OTOP2: variants seen among roughly 807,000 people sequenced by gnomAD.
OTOP2 encodes the protein proton channel OTOP2.
Under a neutral mutation model 47.4 loss-of-function variants are expected in OTOP2, and 41 were observed. That is an observed-to-expected ratio of 0.87 (90% confidence interval 0.67 to 1.12). The LOEUF (loss-of-function observed/expected upper bound fraction) is 1.12. Ranked by LOEUF, OTOP2 falls within the 50% of genes most tolerant of loss-of-function variation. OTOP2 has a pLI of 0.00. For missense variants in OTOP2, 721 were observed against 752.2 expected (o/e 0.96, Z 0.49); for synonymous variants, 328 against 319.6 (o/e 1.03, Z -0.28).
chr17:74,931,037 A>C lies in OTOP2; in HGVS notation c.1402A>C (p.Ser468Arg). The change falls in exon 6 of 7, where the codon AGC (serine) becomes CGC (arginine). Residue 468 changes from serine (S) to arginine (R), a missense_variant. Ser to Arg is a moderately radical substitution (Grantham distance 110). Transcript: ENST00000331427. ...CTGCCCACCCAACCCCGGGCTGGTTAGCCCCAGCCCTTCAGACCAGCGGGA... is the reference window on the plus strand; with the variant it reads ...CTGCCCACCCAACCCCGGGCTGGTTCGCCCCAGCCCTTCAGACCAGCGGGA... Reference protein sequence around the residue: ...SACPPNPGLVSPSPSDQREAV... With the variant: ...SACPPNPGLVRPSPSDQREAV... 6.2e-7 allele frequency: 1 copy of C among 1,614,128 alleles called. No individual in the cohort carries two copies. The highest frequency in any genetic ancestry group is 8.5e-7 in the Non-Finnish European group (1 of 1,180,008).
At chr17:74,929,331 C>G (rs1347293000) in intron 5 of OTOP2, among the ~76,000 whole-genome samples, 2 of 152,110 alleles carry the variant, frequency 1.3e-5, no homozygotes, top group Non-Finnish European at 2.9e-5. Flanking sequence ...GAGCCACTTT[C>G]TATCTCAGGG....
Position 74,931,205 on chromosome 17 carries a change from G to A in OTOP2, c.1518+52G>A, listed in dbSNP as rs144357522. 1.6e-4 allele frequency: 246 copies of A among 1,535,934 alleles called. 1 individual carries two copies. In the African/African-American group the frequency reaches 2.8e-3, roughly 17 times the overall value. On this transcript the variant is annotated intron_variant, in intron 6 of 6. Coordinates refer to ENST00000331427, the MANE Select transcript of OTOP2 (RefSeq NM_178160.3). ...GGCTTGGGAGAAGAGACTGAGGAAG[G>A]ATGCTCTTGCAGGCTTAAGCCCTTA...
intron 4 of OTOP2, 95 bp from the exon 5 acceptor site, chr17:74,927,570 C>G (rs1036298198): frequency 2.0e-5 from 30 of 1,500,196 alleles, no homozygotes; most frequent in Non-Finnish European, 2.6e-5. Flanking sequence ...CAGGGCCTGG[C>G]TGCTTTATCA....
Position 74,933,358 on chromosome 17 carries a change from C to A in OTOP2, c.1519-17C>A, listed in dbSNP as rs772147025. 219 of 1,585,664 alleles carry A rather than the reference C, an allele frequency of 1.4e-4. No individual in the cohort carries two copies. The highest frequency in any genetic ancestry group is 1.8e-4 in the Non-Finnish European group (208 of 1,158,684). The stretch of plus-strand genomic sequence containing the variant: ...TCCATCCAGGCCAGCTCCTGAAATG[C>A]TCCTCTCTCCACACAGCTGTGGATC... On this transcript the variant is annotated splice_polypyrimidine_tract_variant and intron_variant, in intron 6 of 6. Coordinates refer to ENST00000331427, the MANE Select transcript of OTOP2 (RefSeq NM_178160.3). This position sits in a 1 kb window ranked among gnomAD's most constrained non-coding sequence, Gnocchi z 4.7.
At position 74,924,360 on chromosome 17, in the gene OTOP2, C is replaced by A; in HGVS notation, c.-34+27C>A. 1 of 412,020 alleles carries A rather than the reference C, an allele frequency of 2.4e-6. No homozygotes were observed. The allele number at this position is 412,020 out of a possible 1,614,324, so 25.5% of individuals were successfully genotyped here. Reference sequence around the variant, plus strand: ...TGGGTGCCCCGGGCCGGAGGGCAGTCGGACTTGGGGAGTGGGGACCTTGGA... The same window carrying A: ...TGGGTGCCCCGGGCCGGAGGGCAGTAGGACTTGGGGAGTGGGGACCTTGGA... On this transcript the variant is annotated intron_variant, in intron 1 of 6. Coordinates refer to ENST00000331427, the MANE Select transcript of OTOP2 (RefSeq NM_178160.3). The surrounding 1 kb of genome is among the most constrained non-coding windows in gnomAD (Gnocchi z 7.7).
chr17:74,924,504 G>A lies in OTOP2; in HGVS notation c.-33-96G>A, dbSNP rs2038984549. On this transcript the variant is annotated intron_variant, in intron 1 of 6. Coordinates refer to ENST00000331427, the MANE Select transcript of OTOP2 (RefSeq NM_178160.3). This position sits in a 1 kb window ranked among gnomAD's most constrained non-coding sequence, Gnocchi z 7.7. ...CCAGCACCCGAAGCCCCAACCCTGCGGGTCAGGAACTCCCTAGTCCCCAAG... is the reference window on the plus strand; with the variant it reads ...CCAGCACCCGAAGCCCCAACCCTGCAGGTCAGGAACTCCCTAGTCCCCAAG... 4 of 1,150,288 alleles carry A rather than the reference G, an allele frequency of 3.5e-6. No individual in the cohort carries two copies. Among genetic ancestry groups the A allele is most frequent in the South Asian group, 1.7e-5 (1 of 58,740 alleles). The allele number at this position is 1,150,288 out of a possible 1,614,324, so 71.3% of individuals were successfully genotyped here.
chr17:74,927,322 G>A, intron 4 of OTOP2, 41 bp downstream of exon 4: 1 of 1,576,246 alleles, frequency 6.3e-7, no homozygotes, highest in Non-Finnish European at 8.7e-7. Flanking sequence ...GCGTGCTGGT[G>A]TTCACCTTGC....
chr17:74,925,038 C>A (rs757211894), intron 2 of OTOP2, 93 bp downstream of exon 2: 9 of 1,396,262 alleles, frequency 6.4e-6, no homozygotes, highest in African/African-American at 1.4e-5. Context: ...GATTGACATA[C>A]GAGGGCGAGA....
chr17:74,925,580 G>A lies in OTOP2; in HGVS notation c.338G>A (p.Cys113Tyr), dbSNP rs1394259069. 9.3e-6 allele frequency: 15 copies of A among 1,614,050 alleles called. No homozygotes were observed. The highest frequency in any genetic ancestry group is 1.3e-5 in the African/African-American group (1 of 75,000). Residue 113 changes from cysteine (C) to tyrosine (Y), a missense_variant, in exon 3 of 7, where the codon TGC becomes TAC. Transcript: ENST00000331427. ...GGTGGGCTGGTGCTGTTTGGAATCT[G>A]CACCCTCATCATGGATGTCTTCAAG... is the stretch of plus-strand genomic sequence containing the variant. The part of the protein sequence containing the change: ...LRGGLVLFGI[C>Y]TLIMDVFKTG...
In OTOP2 at chr17:74,930,784, TTAC is replaced by T. The variant is rs774381623; in HGVS notation, c.1154_1156del (p.Tyr385del). On this transcript the variant is annotated inframe_deletion, in exon 6 of 7. Transcript: ENST00000331427. The surrounding 1 kb of genome is among the most constrained non-coding windows in gnomAD (Gnocchi z 4.0). ...CCGCCCTGGGTCAGTACGCCATCTC[TTAC>T]TACTCCATCGTGGCTGTGGTGGCGG... 6.2e-7 allele frequency: 1 copy of T among 1,614,064 alleles called. No individual in the cohort carries two copies. The highest frequency in any genetic ancestry group is 1.3e-5 in the African/African-American group (1 of 74,960).
In OTOP2 at chr17:74,933,584, T is replaced by C. The variant is rs762010476; in HGVS notation, c.*39T>C. The C allele has an allele frequency of 3.9e-6, 6 of 1,546,312 alleles. No individual in the cohort carries two copies. Among genetic ancestry groups the C allele is most frequent in the Non-Finnish European group, 5.3e-6 (6 of 1,134,898 alleles). ...GGCATGGGGGGCAGGAAGAGGGGGC[T>C]CAGCTCATGTGCCCACTCAGACACC... On this transcript the variant is annotated 3_prime_UTR_variant, in exon 7 of 7. Coordinates refer to ENST00000331427, the MANE Select transcript of OTOP2 (RefSeq NM_178160.3). This position sits in a 1 kb window ranked among gnomAD's most constrained non-coding sequence, Gnocchi z 4.7.
At chr17:74,931,186 G>A (rs2039056182) in intron 6 of OTOP2, 33 bp downstream of exon 6, 1 of 1,551,502 alleles carries the variant, frequency 6.4e-7, no homozygotes, top group African/African-American at 1.4e-5. Flanking sequence ...GGTGGGCTTG[G>A]GAGAAGAGAC....
At position 74,924,614 on chromosome 17, in the gene OTOP2, T is replaced by C; in HGVS notation, c.-19T>C. On this transcript the variant is annotated 5_prime_UTR_variant, in exon 2 of 7. Transcript: ENST00000331427. The surrounding 1 kb of genome is among the most constrained non-coding windows in gnomAD (Gnocchi z 7.7). Reference sequence around the variant, plus strand: ...CTCCCCTACAGTGATCCCTCTAGCCTTCTCCAGTCGCCTCCGCCATGTCCG... The same window carrying C: ...CTCCCCTACAGTGATCCCTCTAGCCCTCTCCAGTCGCCTCCGCCATGTCCG... 6.5e-7 allele frequency: 1 copy of C among 1,543,174 alleles called. No homozygotes were observed. Among genetic ancestry groups the C allele is most frequent in the Non-Finnish European group, 8.7e-7 (1 of 1,151,100 alleles).
In OTOP2 at chr17:74,927,648, C is replaced by A. The variant is rs146435851; in HGVS notation, c.510-17C>A. ...AGGGTCACAGGCCTCTTTGTCCCCA[C>A]CCCTGACCCCAAACAGGTGTGGTCT... is the stretch of plus-strand genomic sequence containing the variant. On this transcript the variant is annotated splice_polypyrimidine_tract_variant and intron_variant, in intron 4 of 6. Coordinates refer to ENST00000331427, the MANE Select transcript of OTOP2 (RefSeq NM_178160.3). 6.3e-5 allele frequency: 102 copies of A among 1,608,194 alleles called. 1 individual carries two copies. In the African/African-American group the frequency reaches 1.2e-3, roughly 19 times the overall value.
At chr17:74,927,558 C>T (rs1019365610) in intron 4 of OTOP2, 107 bp from the exon 5 acceptor site, 1 of 1,455,864 alleles carries the variant, frequency 6.9e-7, no homozygotes, top group African/African-American at 1.4e-5. Context: ...TCCCTGTTCA[C>T]ACAGGGCCTG....
chr17:74,930,587 G>A lies in OTOP2; in HGVS notation c.952G>A (p.Gly318Arg), dbSNP rs141455683. The stretch of plus-strand genomic sequence containing the variant: ...CTACGAGGTTCAAGTGAGCGGGGAC[G>A]GGAGCCGCACCAGGCAGGCCCTGGT... ...IIYEVQVSGD[G>R]SRTRQALVIY... Residue 318 changes from glycine (G) to arginine (R), a missense_variant, in exon 6 of 7, where the codon GGG (glycine) becomes AGG (arginine). Coordinates refer to ENST00000331427, the MANE Select transcript of OTOP2 (RefSeq NM_178160.3). This position sits in a 1 kb window ranked among gnomAD's most constrained non-coding sequence, Gnocchi z 4.0. The A allele has an allele frequency of 6.9e-3, 11,090 of 1,613,952 alleles. 101 individuals are homozygous for A. Among genetic ancestry groups the A allele is most frequent in the South Asian group, 0.026 (2,344 of 91,076 alleles).
chr17:74,933,582 G>T lies in OTOP2; in HGVS notation c.*37G>T. 6.5e-7 allele frequency: 1 copy of T among 1,549,680 alleles called. No homozygotes were observed. On this transcript the variant is annotated 3_prime_UTR_variant, in exon 7 of 7. Coordinates refer to ENST00000331427, the MANE Select transcript of OTOP2 (RefSeq NM_178160.3). The surrounding 1 kb of genome is among the most constrained non-coding windows in gnomAD (Gnocchi z 4.7). ...GAGGCATGGGGGGCAGGAAGAGGGG[G>T]CTCAGCTCATGTGCCCACTCAGACA... is the stretch of plus-strand genomic sequence containing the variant.
chr17:74,933,514 C>G lies in OTOP2; in HGVS notation c.1658C>G (p.Ser553Cys). 1 of 1,613,454 alleles carries G rather than the reference C, an allele frequency of 6.2e-7. No homozygotes were observed. Among genetic ancestry groups the G allele is most frequent in the Non-Finnish European group, 8.5e-7 (1 of 1,179,476 alleles). Residue 553 changes from serine (S) to cysteine (C), a missense_variant, in exon 7 of 7, where the codon TCC (serine) becomes TGC (cysteine). Transcript: ENST00000331427. The surrounding 1 kb of genome is among the most constrained non-coding windows in gnomAD (Gnocchi z 4.7). ...FGIFYRMHAV[S>C]SLLEVYVLS ...ATCTTCTACCGCATGCACGCTGTGT[C>G]CAGCCTGCTGGAGGTCTACGTGCTG...
chr17:74,933,547 G>T lies in OTOP2; in HGVS notation c.*2G>T. ...CTGGAGGTCTACGTGCTGTCCTGAG[G>T]CCTCCAACAGAGGCATGGGGGGCAG... On this transcript the variant is annotated 3_prime_UTR_variant, in exon 7 of 7. Coordinates refer to ENST00000331427, the MANE Select transcript of OTOP2 (RefSeq NM_178160.3). The surrounding 1 kb of genome is among the most constrained non-coding windows in gnomAD (Gnocchi z 4.7). 1 of 1,589,244 alleles carries T rather than the reference G, an allele frequency of 6.3e-7. No homozygotes were observed.
Sources: allele counts gnomAD v4.1 joint callset (sites outside exome capture counted in the v4.1 genomes callset), GRCh38; gene constraint gnomAD v4.1.1; non-coding constraint Gnocchi (gnomAD v3.1); transcripts MANE v1.5; gene names NCBI Gene and HGNC (gene_info 2026-07-23, HGNC 2026-07-21).